The following TASP1 variants were observed in gnomAD, a reference collection of about 807,000 sequenced individuals.
The protein encoded by TASP1 is threonine aspartase 1.
A neutral mutation model predicts 56.6 loss-of-function variants in TASP1; 16 were observed. The ratio of observed to expected loss-of-function variants is 0.28; its 90% confidence interval spans 0.19 to 0.43. The LOEUF (loss-of-function observed/expected upper bound fraction) is 0.43, where lower values mean the gene tolerates loss of function less well. Ranked by LOEUF, TASP1 falls within the 20% of genes least tolerant of loss-of-function variation. The pLI is 1.00. For missense variants in TASP1, 393 were observed against 511.6 expected (o/e 0.77, Z 2.24); for synonymous variants, 179 against 184.2 (o/e 0.97, Z 0.23).
the TASP1 span, among the ~76,000 whole-genome samples, chr20:13,298,275 T>C: frequency 6.6e-6 from 1 of 152,062 alleles, no homozygotes; most frequent in Non-Finnish European, 1.5e-5. Context: ...CTGGCTAATA[T>C]TGTGTATTTT....
rs74746255 is a variant in TASP1 at position 13,433,520 on chromosome 20, C to CAAAAAAAAAAAA, written c.1096+1512_1096+1523dup. ...CAGAGGGTAGAAGGAGACAGTATGGCAAAAAAAAAAAAAAAAAAAAATACA... is the reference window on the plus strand; with the variant it reads ...CAGAGGGTAGAAGGAGACAGTATGGCAAAAAAAAAAAAAAAAAAAAAAAAAAAAAAAAATACA... On this transcript the variant is annotated intron_variant, in intron 12 of 13. Coordinates refer to ENST00000337743, the MANE Select transcript of TASP1 (RefSeq NM_017714.3). Among the ~76,000 whole-genome samples, 79 of 89,188 alleles carry CAAAAAAAAAAAA rather than the reference C, an allele frequency of 8.9e-4. 2 individuals carry two copies. The highest frequency in any genetic ancestry group is 2.6e-3 in the African/African-American group (55 of 20,964). The allele number at this position is 89,188 out of a possible 152,430, so 58.5% of individuals were successfully genotyped here.
In TASP1 at chr20:13,422,826, T is replaced by C. The variant is rs557750431; in HGVS notation, c.1097-5305A>G. Reference sequence around the variant, plus strand: ...TTTACCTCAGCTGGGAATGTGCACATGAGGTGACTCAAAATGTTTACCAGT... The same window carrying C: ...TTTACCTCAGCTGGGAATGTGCACACGAGGTGACTCAAAATGTTTACCAGT... On this transcript the variant is annotated intron_variant, in intron 12 of 13. Coordinates refer to ENST00000337743, the MANE Select transcript of TASP1 (RefSeq NM_017714.3). Among the ~76,000 whole-genome samples the C allele has an allele frequency of 2.7e-3, 404 of 152,300 alleles. 4 individuals carry two copies. Among genetic ancestry groups the C allele is most frequent in the South Asian group, 7.7e-3 (37 of 4,832 alleles).
chr20:13,538,973 AG>A (rs1316140198), intron 8 of TASP1, among the ~76,000 whole-genome samples: 1 of 152,048 alleles, frequency 6.6e-6, no homozygotes, highest in Non-Finnish European at 1.5e-5. Flanking sequence ...GCTTGAACCC[AG>A]GAGGTGGAGG....
the TASP1 span, among the ~76,000 whole-genome samples, chr20:13,295,342 T>G: frequency 2.9e-4 from 44 of 152,200 alleles, no homozygotes; most frequent in Admixed American, 1.8e-3. Context: ...GGCTCCCTAG[T>G]ACCCGCTGAA....
chr20:13,254,620 C>T, the TASP1 span, among the ~76,000 whole-genome samples: 7,940 of 152,204 alleles, frequency 0.052, 385 homozygotes, highest in African/African-American at 0.12. Context: ...CCAGCACAGT[C>T]TCTATATTCT....
intron 13 of TASP1, among the ~76,000 whole-genome samples, chr20:13,394,334 G>C (rs189034517): frequency 1.1e-3 from 146 of 135,984 alleles, no homozygotes; most frequent in African/African-American, 4.7e-3. Flanking sequence ...AAAAAGGCCT[G>C]GTGCGGTAGC....
At chr20:13,271,708 C>A in the TASP1 span, among the ~76,000 whole-genome samples, 2 of 152,206 alleles carry the variant, frequency 1.3e-5, no homozygotes, top group African/African-American at 2.4e-5. Flanking sequence ...AGATGGTCCC[C>A]ATGATGGTTG....
chr20:13,464,952 C>A (rs2044193228), intron 11 of TASP1, among the ~76,000 whole-genome samples: 1 of 151,686 alleles, frequency 6.6e-6, no homozygotes, highest in Non-Finnish European at 1.5e-5. Context: ...TGCTTGAGGC[C>A]AGGAATTCAA....
At chr20:13,529,538 C>A (rs1019263194) in intron 9 of TASP1, among the ~76,000 whole-genome samples, 4 of 152,024 alleles carry the variant, frequency 2.6e-5, no homozygotes, top group Non-Finnish European at 5.9e-5. Flanking sequence ...TTTGGCATGG[C>A]ATTATGTGGA....
intron 13 of TASP1, among the ~76,000 whole-genome samples, chr20:13,399,108 T>C (rs2041647853): frequency 6.6e-6 from 1 of 152,070 alleles, no homozygotes; most frequent in Admixed American, 6.6e-5. Flanking sequence ...GAAACACCCT[T>C]TTCCCTTGTT....
the TASP1 span, among the ~76,000 whole-genome samples, chr20:13,242,717 T>G: frequency 6.6e-6 from 1 of 152,140 alleles, no homozygotes; most frequent in African/African-American, 2.4e-5. Context: ...TTATTAAGGT[T>G]GGTATAAAAG....
chr20:13,282,334 T>C, the TASP1 span, among the ~76,000 whole-genome samples: 1 of 152,192 alleles, frequency 6.6e-6, no homozygotes, highest in Non-Finnish European at 1.5e-5. Flanking sequence ...GAGTCTGTTG[T>C]TTGCATCTTT....
chr20:13,483,170 T>C, intron 11 of TASP1, 57 bp downstream of exon 11: 1 of 1,310,540 alleles, frequency 7.6e-7, no homozygotes, highest in Non-Finnish European at 1.1e-6. Flanking sequence ...TCATAGTGCT[T>C]ATAGAAGTGA....
the TASP1 span, among the ~76,000 whole-genome samples, chr20:13,171,746 A>T: frequency 6.6e-6 from 1 of 152,180 alleles, no homozygotes; most frequent in Admixed American, 6.5e-5. Context: ...GCCAGAGATT[A>T]CCAGTTATTT....
chr20:13,629,200 C>G (rs886964761), intron 2 of TASP1, among the ~76,000 whole-genome samples: 2 of 151,940 alleles, frequency 1.3e-5, no homozygotes, highest in Admixed American at 6.6e-5. Context: ...ACCCCATCTA[C>G]TAAAAATACA....
chr20:13,278,745 G>A, the TASP1 span, among the ~76,000 whole-genome samples: 1 of 152,224 alleles, frequency 6.6e-6, no homozygotes, highest in Non-Finnish European at 1.5e-5. Context: ...AGCTGGGAGA[G>A]CTTGTCTCTG....
intron 11 of TASP1, among the ~76,000 whole-genome samples, chr20:13,447,946 T>C (rs971435884): frequency 3.3e-5 from 5 of 152,144 alleles, no homozygotes; most frequent in African/African-American, 1.2e-4. Context: ...GTCTATGATC[T>C]TTTTTGTAAT....
chr20:13,383,906 C>T, the TASP1 span, among the ~76,000 whole-genome samples: 2 of 152,182 alleles, frequency 1.3e-5, no homozygotes, highest in African/African-American at 4.8e-5. Flanking sequence ...AAACAGATGA[C>T]CCCCAGAGTT....
chr20:13,292,314 G>A, the TASP1 span: 1 of 994,738 alleles, frequency 1.0e-6, no homozygotes. Flanking sequence ...TTATTGTTGG[G>A]GTGGGGGAGA....
Sources: allele counts gnomAD v4.1 joint callset (sites outside exome capture counted in the v4.1 genomes callset), GRCh38; gene constraint gnomAD v4.1.1; transcripts MANE v1.5; gene names NCBI Gene and HGNC (gene_info 2026-07-23, HGNC 2026-07-21).